TOMM20L: variants seen among roughly 807,000 people sequenced by gnomAD.
TOMM20L encodes the protein TOMM20-like protein 1.
Under a neutral mutation model 20.4 loss-of-function variants are expected in TOMM20L, and 19 were observed. The ratio of observed to expected loss-of-function variants is 0.93; its 90% CI spans 0.65 to 1.36. TOMM20L has a LOEUF of 1.36. TOMM20L is among the 40% of genes most tolerant of loss of function. TOMM20L has a pLI of 0.00. For synonymous variants in TOMM20L, 75 were observed against 79.6 expected (o/e 0.94, Z 0.30); for missense variants, 218 against 203.7 (o/e 1.07, Z -0.43).
intron 2 of TOMM20L, among the ~76,000 whole-genome samples, chr14:58,400,422 CAA>C (rs1294392495): frequency 1.8e-5 from 1 of 56,408 alleles, no homozygotes. Context: ...ACTCTGTCTC[CAA>C]AAAAAAAAAA....
At chr14:58,397,149 G>A (rs1257225857) in intron 2 of TOMM20L, among the ~76,000 whole-genome samples, 2 of 152,220 alleles carry the variant, frequency 1.3e-5, no homozygotes, top group East Asian at 3.8e-4. Context: ...AGTTGATGCT[G>A]GATGTTTACT....
At chr14:58,402,914 T>A (rs1053472275) in intron 3 of TOMM20L, among the ~76,000 whole-genome samples, 153 bp downstream of exon 3, 2 of 152,240 alleles carry the variant, frequency 1.3e-5, no homozygotes, top group African/African-American at 4.8e-5. Context: ...TTCATCATAC[T>A]GTACTCTTGA....
intron 3 of TOMM20L, 33 bp from the exon 4 acceptor site, chr14:58,407,280 TTAAAGAACTTCAA>T (rs1225783548): frequency 6.4e-7 from 1 of 1,553,012 alleles, no homozygotes; most frequent in South Asian, 1.2e-5. Context: ...AATGTCTGTT[TTAAAGAACTTCAA>T]AATTTTGCTC....
At chr14:58,399,286 GTATGGTCCATTGCTGCAT>G (rs1354684341) in intron 2 of TOMM20L, among the ~76,000 whole-genome samples, 1 of 152,130 alleles carries the variant, frequency 6.6e-6, no homozygotes, top group Admixed American at 6.5e-5. Flanking sequence ...CTTTCCCAAA[GTATGGTCCATTGCTGCAT>G]TACATTTACC....
chr14:58,399,179 C>T (rs2035960392), intron 2 of TOMM20L, among the ~76,000 whole-genome samples: 1 of 152,204 alleles, frequency 6.6e-6, no homozygotes, highest in Non-Finnish European at 1.5e-5. Context: ...AGCCACTGTG[C>T]CTGGCCTCTA....
At chr14:58,412,204 G>T (rs552251612), downstream of TOMM20L, 1 of 357,290 alleles carries the variant, frequency 2.8e-6, no homozygotes, top group Non-Finnish European at 5.2e-6. Context: ...GCGCAGTGGC[G>T]CCATCTTGGC....
At chr14:58,414,794 T>A in the TOMM20L span, among the ~76,000 whole-genome samples, 1 of 151,156 alleles carries the variant, frequency 6.6e-6, no homozygotes, top group Admixed American at 6.6e-5. Flanking sequence ...TACTGACATT[T>A]AAAAAAATGT....
At chr14:58,412,634 C>T (rs559916329), downstream of TOMM20L, among the ~76,000 whole-genome samples, 24 of 152,284 alleles carry the variant, frequency 1.6e-4, no homozygotes, top group Admixed American at 1.3e-3. Flanking sequence ...GGTGTGGTGG[C>T]TCATGCCTGT....
chr14:58,410,980 A>G, downstream of TOMM20L: 1 of 1,409,084 alleles, frequency 7.1e-7, no homozygotes, highest in Non-Finnish European at 9.9e-7. Context: ...TGGTTTTTAA[A>G]ACAAAGATGC....
rs752498136 is a variant in TOMM20L, at chr14:58,408,579, T to C, written c.456T>C (p.Asp152=). ...NEQDCLEDDP[D] is the part of the protein sequence containing the mutation. ...AGGACTGCTTGGAGGATGATCCTGA[T>C]TGAAAAACATTTCAACGTATCCACA... is the stretch of plus-strand genomic sequence containing the variant. The change falls in exon 5 of 5, where the codon GAT becomes GAC. Residue 152 remains aspartate, a synonymous_variant. Coordinates refer to ENST00000360945, the MANE Select transcript of TOMM20L (RefSeq NM_207377.3). The C allele has an allele frequency of 9.3e-6, 15 of 1,613,822 alleles. No homozygotes were observed. The highest frequency in any genetic ancestry group is 1.6e-4 in the Middle Eastern group (1 of 6,082).
chr14:58,405,838 A>T (rs189829856), intron 3 of TOMM20L, among the ~76,000 whole-genome samples: 8 of 152,346 alleles, frequency 5.3e-5, no homozygotes, highest in Admixed American at 3.9e-4. Context: ...TTATACTTCC[A>T]TATTTTACTT....
At chr14:58,402,632 A>C in intron 2 of TOMM20L, 48 bp from the exon 3 acceptor site, 3 of 1,434,838 alleles carry the variant, frequency 2.1e-6, no homozygotes, top group Non-Finnish European at 2.9e-6. Context: ...CAGTAGCCAT[A>C]TACCTTACCT....
At chr14:58,408,720 G>C (rs1288126794), downstream of TOMM20L, 6 of 837,032 alleles carry the variant, frequency 7.2e-6, no homozygotes, top group Non-Finnish European at 1.1e-5. Flanking sequence ...GAACACATAA[G>C]TTGCTTTAAA....
chr14:58,403,086 G>A (rs903742740), intron 3 of TOMM20L, among the ~76,000 whole-genome samples: 1 of 152,212 alleles, frequency 6.6e-6, no homozygotes, highest in Non-Finnish European at 1.5e-5. Context: ...GCCAGGTGTG[G>A]TGGCTCATAC....
chr14:58,402,303 T>A (rs1813353300), intron 2 of TOMM20L, among the ~76,000 whole-genome samples: 1 of 152,128 alleles, frequency 6.6e-6, no homozygotes, highest in Non-Finnish European at 1.5e-5. Flanking sequence ...TTCTTTCTTT[T>A]TTGTGATGGA....
chr14:58,410,258 A>G (rs1273164570), downstream of TOMM20L, among the ~76,000 whole-genome samples: 1 of 151,634 alleles, frequency 6.6e-6, no homozygotes, highest in East Asian at 1.9e-4. Context: ...TATTTTTTGT[A>G]AAGACAGGGT....
chr14:58,396,065 C>G lies in TOMM20L; in HGVS notation c.108C>G (p.Asp36Glu). ...CIYLNRKRRG[D>E]PAFKRRLRDK... is the part of the protein sequence containing the mutation. ...ACCTCAACCGGAAGCGGCGCGGGGA[C>G]CCCGCGTTCAAGCGCCGCCTGCGGG... Residue 36 changes from aspartate to glutamate, a missense_variant, in exon 1 of 5, where the codon GAC becomes GAG. Coordinates refer to ENST00000360945, the MANE Select transcript of TOMM20L (RefSeq NM_207377.3). The G allele has an allele frequency of 7.1e-7, 1 of 1,409,270 alleles. No homozygotes were observed. The highest frequency in any genetic ancestry group is 9.3e-7 in the Non-Finnish European group (1 of 1,077,358). 87.3% of individuals were successfully genotyped at this position (1,409,270 alleles called of 1,614,324 possible).
chr14:58,407,491 T>G (rs1432227631), intron 4 of TOMM20L, 23 bp downstream of exon 4: 2 of 1,603,442 alleles, frequency 1.2e-6, no homozygotes, highest in Admixed American at 3.4e-5. Context: ...TTAATTATCT[T>G]TGTGAAATGT....
downstream of TOMM20L, chr14:58,409,058 T>A (rs757164914): frequency 6.2e-7 from 1 of 1,613,816 alleles, no homozygotes; most frequent in African/African-American, 1.3e-5. Context: ...CAAGGAGTCC[T>A]GCTTTGGCTG....
Sources: gnomAD v4.1 joint callset for allele counts (sites outside exome capture counted in the v4.1 genomes callset) on GRCh38, gnomAD v4.1.1 for gene constraint, MANE v1.5 for transcripts, NCBI Gene and HGNC (gene_info 2026-07-23, HGNC 2026-07-21) for gene names.